Variants in GMDS observed in about 807,000 individuals in gnomAD.
The protein encoded by GMDS is GDP-mannose 4,6-dehydratase.
Under a neutral mutation model 49.9 loss-of-function variants are expected in GMDS, and 20 were observed. The observed-to-expected ratio is 0.40, with a 90% CI of 0.28 to 0.58. The LOEUF is 0.58. Among genes scored for constraint, GMDS ranks in the 20% least tolerant of loss-of-function variants. The pLI is 0.42. For missense variants in GMDS, 362 were observed against 481.4 expected (o/e 0.75, Z 2.32); for synonymous variants, 177 against 178.6 (o/e 0.99, Z 0.07).
At chr6:1,835,248 C>T (rs1756871584) in intron 7 of GMDS, among the ~76,000 whole-genome samples, 1 of 152,158 alleles carries the variant, frequency 6.6e-6, no homozygotes, top group Non-Finnish European at 1.5e-5. Context: ...GAAGAGCACA[C>T]AGGGACAGAT....
intron 9 of GMDS, among the ~76,000 whole-genome samples, chr6:1,683,521 G>T (rs1277160478): frequency 6.6e-6 from 1 of 152,174 alleles, no homozygotes; most frequent in Non-Finnish European, 1.5e-5. Flanking sequence ...GGAAACATGT[G>T]AGAGGGCCAG....
chr6:1,737,618 C>A lies in GMDS; in HGVS notation c.890+4850G>T, dbSNP rs554751192. 1.3e-3 allele frequency among the ~76,000 whole-genome samples: 189 copies of A among 145,184 alleles called. 1 individual carries two copies. The highest frequency in any genetic ancestry group is 2.2e-3 in the Non-Finnish European group (144 of 66,858). ...ACACACACCACACACACCACAAACA[C>A]ACACACAGATACACACGCACACATA... On this transcript the variant is annotated intron_variant, in intron 8 of 10. Coordinates refer to ENST00000380815, the MANE Select transcript of GMDS (RefSeq NM_001500.4).
intron 1 of GMDS, among the ~76,000 whole-genome samples, chr6:2,227,584 A>G (rs924669851): frequency 7.2e-5 from 11 of 152,232 alleles, no homozygotes; most frequent in Non-Finnish European, 1.0e-4. Context: ...CTAGAGAGTG[A>G]CTGTGGAAAA....
At chr6:1,970,518 G>A (rs560978275) in intron 4 of GMDS, among the ~76,000 whole-genome samples, 2 of 152,282 alleles carry the variant, frequency 1.3e-5, no homozygotes, top group African/African-American at 2.4e-5. Context: ...GGCGCTACCC[G>A]ACCAGGAGCA....
intron 4 of GMDS, among the ~76,000 whole-genome samples, chr6:1,977,042 C>T (rs1041937064): frequency 6.6e-6 from 1 of 151,942 alleles, no homozygotes; most frequent in African/African-American, 2.4e-5. Context: ...ACCTATGGTA[C>T]TGTAGGAAAG....
intron 4 of GMDS, among the ~76,000 whole-genome samples, chr6:2,099,270 G>T (rs868139107): frequency 2.6e-5 from 4 of 152,018 alleles, no homozygotes; most frequent in Non-Finnish European, 5.9e-5. Context: ...TCGTTAAATA[G>T]AAATTTCTGC....
At chr6:1,671,757 C>CG (rs61613624) in intron 9 of GMDS, among the ~76,000 whole-genome samples, 25,956 of 150,830 alleles carry the variant, frequency 0.17, 2,520 homozygotes, top group African/African-American at 0.27. Flanking sequence ...CTCTGCCCCC[C>CG]GGGTTCAACT....
At chr6:2,168,617 TTTTTC>T (rs1173182343) in intron 1 of GMDS, among the ~76,000 whole-genome samples, 2 of 152,256 alleles carry the variant, frequency 1.3e-5, no homozygotes, top group Admixed American at 6.5e-5. Context: ...TCTACTATGC[TTTTTC>T]TTTTCTTTGC....
At chr6:1,668,485 G>A (rs931052224) in intron 9 of GMDS, among the ~76,000 whole-genome samples, 2 of 152,124 alleles carry the variant, frequency 1.3e-5, no homozygotes, top group African/African-American at 2.4e-5. Context: ...CAAGGCAGGC[G>A]GATCACCTGA....
chr6:1,675,042 A>T (rs1764572260), intron 9 of GMDS, among the ~76,000 whole-genome samples: 1 of 151,968 alleles, frequency 6.6e-6, no homozygotes, highest in Non-Finnish European at 1.5e-5. Context: ...GGTTCAAGCG[A>T]TTCTCCTGCC....
At chr6:2,142,389 C>T (rs909481377) in intron 1 of GMDS, among the ~76,000 whole-genome samples, 6 of 151,836 alleles carry the variant, frequency 4.0e-5, no homozygotes, top group Non-Finnish European at 8.8e-5. Context: ...GTAGGTGGCC[C>T]CTAATCCAAT....
intron 6 of GMDS, chr6:1,949,051 T>C (rs1763217462): frequency 1.0e-6 from 1 of 975,246 alleles, no homozygotes; most frequent in African/African-American, 1.8e-5. Context: ...TCCAACAGGG[T>C]CTTTCACTTT....
chr6:1,860,733 G>A (rs1758144053), intron 7 of GMDS, among the ~76,000 whole-genome samples: 1 of 152,212 alleles, frequency 6.6e-6, no homozygotes, highest in Non-Finnish European at 1.5e-5. Flanking sequence ...GAAGAGAACG[G>A]CTGGTCCACA....
chr6:2,025,208 A>T (rs1164264148), intron 4 of GMDS, among the ~76,000 whole-genome samples: 1 of 152,138 alleles, frequency 6.6e-6, no homozygotes, highest in Non-Finnish European at 1.5e-5. Context: ...AAGACATTAA[A>T]GTTGATTTTT....
intron 4 of GMDS, among the ~76,000 whole-genome samples, chr6:2,029,997 A>G (rs1202927979): frequency 2.6e-5 from 4 of 152,112 alleles, no homozygotes; most frequent in Non-Finnish European, 5.9e-5. Flanking sequence ...CATGCATTAC[A>G]TCCAACTCGT....
intron 4 of GMDS, among the ~76,000 whole-genome samples, chr6:2,097,692 C>G (rs544312597): frequency 6.6e-6 from 1 of 152,182 alleles, no homozygotes; most frequent in Admixed American, 6.5e-5. Flanking sequence ...GGAAGAAGAG[C>G]TTTAGCTCCC....
chr6:1,720,124 C>A (rs924178390), intron 9 of GMDS, among the ~76,000 whole-genome samples: 3 of 152,066 alleles, frequency 2.0e-5, no homozygotes, highest in African/African-American at 7.2e-5. Context: ...TCATTTTAAT[C>A]TAGATCTGAT....
At chr6:2,153,700 A>C (rs879141662) in intron 1 of GMDS, among the ~76,000 whole-genome samples, 1 of 152,186 alleles carries the variant, frequency 6.6e-6, no homozygotes, top group Non-Finnish European at 1.5e-5. Flanking sequence ...CACTGTGATA[A>C]GGTGTTTTCA....
chr6:1,929,987 C>T (rs1317519853), intron 7 of GMDS, 116 bp downstream of exon 7: 1 of 901,012 alleles, frequency 1.1e-6, no homozygotes, highest in Non-Finnish European at 1.7e-6. Context: ...AACATACCTG[C>T]CTTGGCAAAG....
Sources: gnomAD v4.1 joint callset for allele counts (sites outside exome capture counted in the v4.1 genomes callset) on GRCh38, gnomAD v4.1.1 for gene constraint, MANE v1.5 for transcripts, NCBI Gene and HGNC (gene_info 2026-07-23, HGNC 2026-07-21) for gene names.